PLBD2: variants seen among roughly 807,000 people sequenced by gnomAD.
The protein encoded by PLBD2 is putative aminopeptidase PLBD2.
PLBD2 carries 51 observed loss-of-function variants against 68.3 expected under a neutral mutation model. The ratio of observed to expected loss-of-function variants is 0.75; its 90% CI spans 0.60 to 0.94. The LOEUF is 0.94. Among genes scored for constraint, PLBD2 ranks in the 40% least tolerant of loss-of-function variants. The pLI, the probability that PLBD2 is intolerant of heterozygous loss-of-function variation, is 0.00. For missense variants in PLBD2, 729 were observed against 792.2 expected (o/e 0.92, Z 0.96); for synonymous variants, 314 against 339.3 (o/e 0.93, Z 0.82).
In PLBD2 at chr12:113,384,371, A is replaced by G. The variant is rs936135210; in HGVS notation, c.1118+106A>G. On this transcript the variant is annotated intron_variant, in intron 7 of 11. Coordinates refer to ENST00000280800, the MANE Select transcript of PLBD2 (RefSeq NM_173542.4). The surrounding 1 kb of genome is among the most constrained non-coding windows in gnomAD (Gnocchi z 4.2). ...ACCAGATGTGGCATCCGGGCCACACACCCCACGCCCTCCTTTGTTTCATAC... is the reference window on the plus strand; with the variant it reads ...ACCAGATGTGGCATCCGGGCCACACGCCCCACGCCCTCCTTTGTTTCATAC... 1.5e-6 allele frequency: 2 copies of G among 1,346,710 alleles called. No individual in the cohort carries two copies. The highest frequency in any genetic ancestry group is 2.9e-5 in the African/African-American group (2 of 68,740). 83.4% of individuals were successfully genotyped at this position (1,346,710 alleles called of 1,614,324 possible). A position where few individuals can be genotyped will look rare whatever the true frequency, so the allele number is the denominator to read the frequency against.
chr12:113,376,741 C>T (rs1957441152), intron 5 of PLBD2: 1 of 152,244 alleles, frequency 6.6e-6, no homozygotes, highest in Admixed American at 6.5e-5. Flanking sequence ...TGCTTGAGCC[C>T]AGGAGGTTGA....
At chr12:113,380,190 G>C (rs1259235144) in intron 5 of PLBD2, among the ~76,000 whole-genome samples, 1 of 152,128 alleles carries the variant, frequency 6.6e-6, no homozygotes, top group East Asian at 1.9e-4. Flanking sequence ...AGGCTGGAGT[G>C]CAGTGGCGCG....
intron 1 of PLBD2, 59 bp downstream of exon 1, chr12:113,358,949 G>C: frequency 6.9e-7 from 1 of 1,453,368 alleles, no homozygotes; most frequent in Non-Finnish European, 9.1e-7. Context: ...GTGGGCGCCG[G>C]ACCTCGCCTG....
intron 3 of PLBD2, among the ~76,000 whole-genome samples, 199 bp downstream of exon 3, chr12:113,373,006 A>G (rs1402214556): frequency 6.6e-6 from 1 of 152,250 alleles, no homozygotes; most frequent in Non-Finnish European, 1.5e-5. Context: ...AACTCCAGCC[A>G]TCCATCCTAG....
At chr12:113,382,183 G>A (rs1360549922) in intron 6 of PLBD2, among the ~76,000 whole-genome samples, 1 of 152,148 alleles carries the variant, frequency 6.6e-6, no homozygotes, top group Non-Finnish European at 1.5e-5. Context: ...ACCAGTTATA[G>A]TGAAATATGG....
intron 5 of PLBD2, 100 bp from the exon 6 acceptor site, chr12:113,380,645 G>A (rs1414841677): frequency 5.5e-6 from 5 of 908,596 alleles, no homozygotes; most frequent in Non-Finnish European, 8.6e-6. Flanking sequence ...TTCCTCGGAG[G>A]CCTGCCTGTG....
chr12:113,385,437 T>G (rs1193012841), intron 9 of PLBD2, among the ~76,000 whole-genome samples, 154 bp downstream of exon 9: 1 of 152,182 alleles, frequency 6.6e-6, no homozygotes, highest in Non-Finnish European at 1.5e-5. Context: ...AGTTTGGCAG[T>G]GTAGTTGCAT....
At chr12:113,380,146 TA>T (rs914456890) in intron 5 of PLBD2, among the ~76,000 whole-genome samples, 3 of 150,000 alleles carry the variant, frequency 2.0e-5, no homozygotes, top group African/African-American at 7.6e-5. Context: ...TTTATTTATT[TA>T]TTTTTTTTAG....
chr12:113,379,291 G>A (rs1023971907), intron 5 of PLBD2, among the ~76,000 whole-genome samples: 3 of 122,866 alleles, frequency 2.4e-5, no homozygotes, highest in Non-Finnish European at 4.8e-5. Flanking sequence ...CTGGGCAACA[G>A]AGCAAGACTC....
chr12:113,373,040 CA>C (rs755953735), intron 3 of PLBD2, among the ~76,000 whole-genome samples: 1 of 151,626 alleles, frequency 6.6e-6, no homozygotes, highest in African/African-American at 2.4e-5. Flanking sequence ...AAATAATGAC[CA>C]AAAACAAATA....
rs1315058959 is a variant in PLBD2, at chr12:113,388,729, T to TC, written c.*104dup. 131 of 1,278,408 alleles carry TC rather than the reference T, an allele frequency of 1.0e-4. No homozygotes were observed. The highest frequency in any genetic ancestry group is 1.3e-4 in the Non-Finnish European group (128 of 949,946). The allele number at this position is 1,278,408 out of a possible 1,614,324, so 79.2% of individuals were successfully genotyped here. On this transcript the variant is annotated 3_prime_UTR_variant, in exon 12 of 12. Transcript: ENST00000280800. ...CTAACTCCAGCCCCTCCTGGGGGCT[T>TC]CGTTCTCTGATCTGGGGTCTGAGTC...
chr12:113,371,047 C>T (rs1204099778), intron 2 of PLBD2, among the ~76,000 whole-genome samples: 1 of 152,080 alleles, frequency 6.6e-6, no homozygotes, highest in African/African-American at 2.4e-5. Context: ...AGAATGAGAC[C>T]TTGTCTCAAA....
intron 2 of PLBD2, among the ~76,000 whole-genome samples, chr12:113,371,534 G>A (rs2136907783): frequency 6.6e-6 from 1 of 152,374 alleles, no homozygotes; most frequent in Middle Eastern, 3.4e-3. Flanking sequence ...GTCAGATGCT[G>A]GGCCAGGGCT....
At chr12:113,386,447 G>A (rs569773515) in intron 9 of PLBD2, among the ~76,000 whole-genome samples, 2 of 144,256 alleles carry the variant, frequency 1.4e-5, no homozygotes, top group East Asian at 2.0e-4. Flanking sequence ...TCTGCTTCCC[G>A]GGTTCAAGTG....
intron 4 of PLBD2, 50 bp from the exon 5 acceptor site, chr12:113,374,743 C>G (rs760002561): frequency 6.3e-7 from 1 of 1,582,102 alleles, no homozygotes; most frequent in Admixed American, 1.7e-5. Context: ...GAGTACATAA[C>G]AGCACTCACA....
intron 6 of PLBD2, among the ~76,000 whole-genome samples, chr12:113,382,529 A>G (rs1289869292): frequency 2.0e-5 from 3 of 150,900 alleles, no homozygotes; most frequent in Admixed American, 1.3e-4. Flanking sequence ...TGCAGCCTCT[A>G]TCACCTCAGC....
chr12:113,385,052 G>C, intron 8 of PLBD2, 106 bp downstream of exon 8: 2 of 1,328,712 alleles, frequency 1.5e-6, no homozygotes, highest in Non-Finnish European at 2.1e-6. Context: ...GATCTCAGGA[G>C]GGTGTGGCTG....
intron 6 of PLBD2, among the ~76,000 whole-genome samples, chr12:113,381,538 CTCT>C (rs776431823): frequency 7.2e-5 from 11 of 152,276 alleles, no homozygotes; most frequent in East Asian, 1.9e-4. Context: ...GGGGTGGGGA[CTCT>C]TCTTCTTGTC....
At chr12:113,379,839 A>C (rs1220609962) in intron 5 of PLBD2, among the ~76,000 whole-genome samples, 2 of 152,192 alleles carry the variant, frequency 1.3e-5, no homozygotes, top group African/African-American at 4.8e-5. Context: ...CAGTGAACAA[A>C]ATATTTATCT....
Sources: allele counts gnomAD v4.1 joint callset (sites outside exome capture counted in the v4.1 genomes callset), GRCh38; gene constraint gnomAD v4.1.1; non-coding constraint Gnocchi (gnomAD v3.1); transcripts MANE v1.5; gene names NCBI Gene and HGNC (gene_info 2026-07-23, HGNC 2026-07-21).